CAMK2B: variants seen among roughly 807,000 people sequenced by gnomAD.
CAMK2B encodes the protein calcium/calmodulin dependent protein kinase II beta.
A neutral mutation model predicts 93.7 loss-of-function variants in CAMK2B; 27 were observed. The ratio of observed to expected loss-of-function variants is 0.29; its 90% CI spans 0.21 to 0.40. The LOEUF (loss-of-function observed/expected upper bound fraction) is 0.40, where lower values mean the gene tolerates loss of function less well. CAMK2B is among the 10% of genes least tolerant of loss of function. CAMK2B has a pLI of 1.00. For synonymous variants in CAMK2B, 374 were observed against 358.8 expected (o/e 1.04, Z -0.48); for missense variants, 568 against 895.8 (o/e 0.63, Z 4.67).
intron 13 of CAMK2B, among the ~76,000 whole-genome samples, chr7:44,236,857 C>T (rs985845733): frequency 2.0e-5 from 3 of 152,236 alleles, no homozygotes; most frequent in Non-Finnish European, 4.4e-5. Flanking sequence ...CTGCCCGACA[C>T]AGCTGGGGGA....
At chr7:44,229,537 T>C (rs1307031324) in intron 17 of CAMK2B, 36 bp from the exon 18 acceptor site, 3 of 988,954 alleles carry the variant, frequency 3.0e-6, no homozygotes, top group Non-Finnish European at 2.6e-6. Flanking sequence ...AGGTGGGTGG[T>C]GCGCCCGCAG....
intron 17 of CAMK2B, 124 bp from the exon 18 acceptor site, chr7:44,229,625 T>A: frequency 4.4e-6 from 1 of 227,048 alleles, no homozygotes. Flanking sequence ...CTGGGGCTCC[T>A]GGGGTGGAGG....
chr7:44,234,495 G>T (rs2096607376), intron 14 of CAMK2B, 34 bp from the exon 15 acceptor site: 2 of 1,574,760 alleles, frequency 1.3e-6, no homozygotes, highest in Admixed American at 1.9e-5. Context: ...TCTTAGGTGG[G>T]AGAAGCCCCT....
intron 16 of CAMK2B, among the ~76,000 whole-genome samples, chr7:44,232,619 C>T (rs564527439): frequency 6.6e-6 from 1 of 152,336 alleles, no homozygotes; most frequent in African/African-American, 2.4e-5. Context: ...TGCCAAGCAC[C>T]TCCAGGGGCG....
intron 19 of CAMK2B, among the ~76,000 whole-genome samples, 161 bp from the exon 20 acceptor site, chr7:44,226,805 G>A (rs1278150969): frequency 3.0e-5 from 2 of 67,154 alleles, no homozygotes; most frequent in African/African-American, 1.4e-4. Flanking sequence ...ATGGGGGGGT[G>A]TGGGGGGAAG....
rs1204498799 is a variant in CAMK2B at position 44,325,506 on chromosome 7, ACGGGCG to A, written c.-91_-86del. 6 of 860,122 alleles carry A rather than the reference ACGGGCG, an allele frequency of 7.0e-6. No homozygotes were observed. The highest frequency in any genetic ancestry group is 1.9e-5 in the African/African-American group (1 of 53,858). 53.3% of individuals were successfully genotyped at this position (860,122 alleles called of 1,614,324 possible). ...TCCCGCTCGCGGGCACGGCGGCGAC[ACGGGCG>A]CGGGCGCGGGAGACACCTCGGCTCG... On this transcript the variant is annotated 5_prime_UTR_variant, in exon 1 of 24. Transcript: ENST00000395749.
chr7:44,319,731 G>A (rs1258757392), intron 1 of CAMK2B, among the ~76,000 whole-genome samples: 2 of 152,166 alleles, frequency 1.3e-5, no homozygotes, highest in Admixed American at 6.5e-5. Flanking sequence ...CATCACACTT[G>A]CTAGAGGATG....
chr7:44,258,290 C>A (rs1480990876), intron 4 of CAMK2B, among the ~76,000 whole-genome samples: 3 of 152,210 alleles, frequency 2.0e-5, no homozygotes, highest in Admixed American at 6.5e-5. Flanking sequence ...CTTGTGCCAG[C>A]GTACCCACAT....
At chr7:44,273,714 C>T (rs1465713689) in intron 2 of CAMK2B, among the ~76,000 whole-genome samples, 2 of 152,228 alleles carry the variant, frequency 1.3e-5, no homozygotes, top group Non-Finnish European at 2.9e-5. Context: ...AAATAAGGCC[C>T]AGACTCCAGG....
intron 2 of CAMK2B, among the ~76,000 whole-genome samples, chr7:44,272,051 G>A (rs2096979437): frequency 6.6e-6 from 1 of 152,190 alleles, no homozygotes; most frequent in Non-Finnish European, 1.5e-5. Context: ...CGTCACAGGA[G>A]GCCCCACTTG....
chr7:44,249,853 CT>C (rs2096763781), intron 5 of CAMK2B, among the ~76,000 whole-genome samples: 1 of 152,178 alleles, frequency 6.6e-6, no homozygotes, highest in Non-Finnish European at 1.5e-5. Context: ...TCATCACCCC[CT>C]GACTCCACAG....
Position 44,234,656 on chromosome 7 carries a change from T to G in CAMK2B, c.1042A>C (p.Lys348Gln). 6.2e-7 allele frequency: 1 copy of G among 1,614,052 alleles called. No individual in the cohort carries two copies. The highest frequency in any genetic ancestry group is 1.1e-5 in the South Asian group (1 of 91,080). ...AGCCTCACCTTGACTCCATCTGCTT[T>G]CTTGTTGAGTAAACTCTTGGCTGCT... ...VEQAKSLLNK[K>Q]ADGVKPQTNS... Residue 348 changes from lysine (K) to glutamine (Q), a missense_variant, in exon 14 of 24, where the codon AAA (lysine) becomes CAA (glutamine). Coordinates refer to ENST00000395749, the MANE Select transcript of CAMK2B (RefSeq NM_001220.5).
In CAMK2B at chr7:44,220,281, G is replaced by A; in HGVS notation, c.1782C>T (p.Asn594=). 1.9e-6 allele frequency: 3 copies of A among 1,612,620 alleles called. No homozygotes were observed. The highest frequency in any genetic ancestry group is 1.3e-5 in the African/African-American group (1 of 74,950). The part of the protein sequence containing the change: ...RFYFENLLAK[N]SKPIHTTILN... ...GGATGGTCGTGTGGATCGGCTTGCT[G>A]TTCTTGGCCAGCACTGTGGACAGCA... The change falls in exon 23 of 24, where the codon AAC becomes AAT. Residue 594 remains asparagine (N), a synonymous_variant. Coordinates refer to ENST00000395749, the MANE Select transcript of CAMK2B (RefSeq NM_001220.5).
At chr7:44,239,562 G>T (rs2096657187) in intron 13 of CAMK2B, 27 bp downstream of exon 13, 3 of 1,534,312 alleles carry the variant, frequency 2.0e-6, no homozygotes, top group East Asian at 4.9e-5. Context: ...GCGGGAGCGG[G>T]CGGGACGCTG....
At chr7:44,264,465 C>T (rs141294191) in intron 2 of CAMK2B, among the ~76,000 whole-genome samples, 68 of 152,310 alleles carry the variant, frequency 4.5e-4, no homozygotes, top group Non-Finnish European at 5.6e-4. Context: ...TGGCTCCCCC[C>T]TCCCAGGACA....
At chr7:44,221,887 T>G (rs1282697579) in intron 20 of CAMK2B, among the ~76,000 whole-genome samples, 1 of 152,242 alleles carries the variant, frequency 6.6e-6, no homozygotes, top group Non-Finnish European at 1.5e-5. Flanking sequence ...ACTCTACGGA[T>G]TCAAATCTTA....
intron 6 of CAMK2B, chr7:44,244,897 TG>T (rs1336530935): frequency 4.4e-6 from 2 of 454,800 alleles, no homozygotes; most frequent in Non-Finnish European, 8.8e-6. Context: ...CTCGTCACCT[TG>T]GGGGTCCCAG....
In CAMK2B at chr7:44,260,354, C is replaced by T. The variant is rs1399887706; in HGVS notation, c.221-1428G>A. Among the ~76,000 whole-genome samples, 5 of 152,170 alleles carry T rather than the reference C, an allele frequency of 3.3e-5. No homozygotes were observed. The East Asian group carries it at 9.6e-4, about 29-fold the overall frequency. On this transcript the variant is annotated intron_variant, in intron 3 of 23. Coordinates refer to ENST00000395749, the MANE Select transcript of CAMK2B (RefSeq NM_001220.5). ...GTGGCTTCTGGGGCCTAGGCCTCAC[C>T]TTGCAGATTCCTGGACTCCAGCAGC...
Position 44,286,961 on chromosome 7 carries a change from G to A in CAMK2B, c.66-2736C>T, listed in dbSNP as rs567078212. ...AGACACTCAGCAGGAAGGGACCAGG[G>A]GTGCAGGGACCAGGGGTGCAGGGCC... On this transcript the variant is annotated intron_variant, in intron 1 of 23. Coordinates refer to ENST00000395749, the MANE Select transcript of CAMK2B (RefSeq NM_001220.5). The surrounding 1 kb of genome is among the most constrained non-coding windows in gnomAD (Gnocchi z 4.0). Among the ~76,000 whole-genome samples the A allele has an allele frequency of 6.6e-6, 1 of 152,080 alleles. No individual in the cohort carries two copies. The highest frequency in any genetic ancestry group is 1.5e-5 in the Non-Finnish European group (1 of 67,968).
Sources: gnomAD v4.1 joint callset for allele counts (sites outside exome capture counted in the v4.1 genomes callset) on GRCh38, gnomAD v4.1.1 for gene constraint, Gnocchi (gnomAD v3.1) non-coding constraint, MANE v1.5 for transcripts, NCBI Gene and HGNC (gene_info 2026-07-23, HGNC 2026-07-21) for gene names.